The following VRK2 variants were observed in gnomAD, a reference collection of about 807,000 sequenced individuals.
The protein encoded by VRK2 is serine/threonine-protein kinase VRK2.
A neutral mutation model predicts 57.6 loss-of-function variants in VRK2; 60 were observed. The ratio of observed to expected loss-of-function variants is 1.04; its 90% confidence interval spans 0.85 to 1.29. VRK2 has a LOEUF of 1.29. Among genes scored for constraint, VRK2 ranks in the 50% most tolerant of loss-of-function variants. VRK2 has a pLI of 0.00. For synonymous variants in VRK2, 231 were observed against 199.2 expected (o/e 1.16, Z -1.35); for missense variants, 705 against 588.1 (o/e 1.20, Z -2.06).
chr2:58,103,586 G>A (rs1374637411), intron 7 of VRK2, among the ~76,000 whole-genome samples: 1 of 151,572 alleles, frequency 6.6e-6, no homozygotes, highest in East Asian at 1.9e-4. Flanking sequence ...AAAGTAGCGA[G>A]ATAGAATCGG....
At chr2:58,002,512 G>A (rs1216113014) in intron 1 of VRK2, among the ~76,000 whole-genome samples, 1 of 152,054 alleles carries the variant, frequency 6.6e-6, no homozygotes, top group Non-Finnish European at 1.5e-5. Flanking sequence ...GTGAAGATAG[G>A]TAGTGGAGAC....
At chr2:58,086,491 A>T in intron 5 of VRK2, 65 bp downstream of exon 5, 1 of 1,365,280 alleles carries the variant, frequency 7.3e-7, no homozygotes. Context: ...CTATGAGTTA[A>T]CTATTGCCAT....
chr2:58,123,376 C>G, intron 8 of VRK2, 143 bp downstream of exon 8: 1 of 941,380 alleles, frequency 1.1e-6, no homozygotes, highest in South Asian at 2.0e-5. Context: ...GTAATGAATT[C>G]CTGTTATGCC....
At chr2:58,071,204 T>C (rs1669315752) in intron 2 of VRK2, among the ~76,000 whole-genome samples, 1 of 152,170 alleles carries the variant, frequency 6.6e-6, no homozygotes, top group Non-Finnish European at 1.5e-5. Context: ...ATTTTTGATA[T>C]GTCTTGTCAG....
intron 7 of VRK2, among the ~76,000 whole-genome samples, chr2:58,116,572 C>G (rs992848489): frequency 6.6e-6 from 1 of 152,042 alleles, no homozygotes; most frequent in East Asian, 1.9e-4. Flanking sequence ...GAGTGGGTAG[C>G]CTTCGTATTG....
chr2:58,151,733 T>TC (rs1445948633), intron 12 of VRK2, among the ~76,000 whole-genome samples: 6 of 72,314 alleles, frequency 8.3e-5, no homozygotes, highest in African/African-American at 3.3e-4. Context: ...CTATGCTTGT[T>TC]TTTTTTTTTT....
At chr2:58,144,397 C>T (rs146173374) in intron 11 of VRK2, among the ~76,000 whole-genome samples, 1 of 152,060 alleles carries the variant, frequency 6.6e-6, no homozygotes, top group Non-Finnish European at 1.5e-5. Context: ...TAAGTATTCT[C>T]ACACAAAGAA....
At chr2:58,146,896 G>A (rs750777013) in intron 12 of VRK2, among the ~76,000 whole-genome samples, 10 of 151,832 alleles carry the variant, frequency 6.6e-5, no homozygotes, top group Non-Finnish European at 1.2e-4. Flanking sequence ...TCATTTGGGC[G>A]GAGAGTGACT....
chr2:58,085,066 T>G, intron 4 of VRK2, 116 bp downstream of exon 4: 1 of 888,030 alleles, frequency 1.1e-6, no homozygotes, highest in East Asian at 2.9e-5. Flanking sequence ...AATTTTATTG[T>G]AAAGTGATAC....
intron 8 of VRK2, among the ~76,000 whole-genome samples, chr2:58,131,249 T>G (rs1482898670): frequency 6.6e-6 from 1 of 151,108 alleles, no homozygotes; most frequent in Non-Finnish European, 1.5e-5. Flanking sequence ...TTCATGTGAT[T>G]GAAAAATCTT....
chr2:57,934,905 A>C (rs1306979746), intron 1 of VRK2, among the ~76,000 whole-genome samples: 1 of 151,868 alleles, frequency 6.6e-6, no homozygotes, highest in African/African-American at 2.4e-5. Flanking sequence ...TATCTCCAGA[A>C]TTTCTGTTTG....
chr2:58,110,728 G>A (rs1472764630), intron 7 of VRK2, among the ~76,000 whole-genome samples: 1 of 152,176 alleles, frequency 6.6e-6, no homozygotes, highest in Non-Finnish European at 1.5e-5. Context: ...GGCTTCCAGA[G>A]CGGGATGTTG....
At chr2:58,018,548 T>A (rs571570329) in intron 1 of VRK2, among the ~76,000 whole-genome samples, 179 of 152,352 alleles carry the variant, frequency 1.2e-3, no homozygotes, top group Admixed American at 1.8e-3. Flanking sequence ...GTTGTAATAT[T>A]GAATTATACC....
chr2:58,136,282 G>C (rs945273772), intron 10 of VRK2, among the ~76,000 whole-genome samples: 4 of 152,012 alleles, frequency 2.6e-5, no homozygotes, highest in African/African-American at 9.7e-5. Flanking sequence ...ACACAGGAGA[G>C]ATCCTCATTG....
intron 7 of VRK2, among the ~76,000 whole-genome samples, chr2:58,106,308 T>G (rs1674742049): frequency 6.6e-6 from 1 of 152,022 alleles, no homozygotes; most frequent in Admixed American, 6.6e-5. Flanking sequence ...TGAGGGAATT[T>G]TCCCCAGAAG....
intron 3 of VRK2, chr2:58,041,073 G>T (rs1047519065): frequency 2.9e-5 from 29 of 984,954 alleles, no homozygotes; most frequent in Non-Finnish European, 3.5e-5. Context: ...TGTTAACTGG[G>T]GGGGAAAAAG....
At chr2:58,120,174 TTTTTC>T (rs1558661089) in intron 7 of VRK2, among the ~76,000 whole-genome samples, 19 of 142,776 alleles carry the variant, frequency 1.3e-4, no homozygotes, top group African/African-American at 4.5e-4. Context: ...TGTCTATTTT[TTTTTC>T]TTTTCTTTTT....
At chr2:58,013,141 A>G (rs1176410286) in intron 1 of VRK2, among the ~76,000 whole-genome samples, 2 of 152,222 alleles carry the variant, frequency 1.3e-5, no homozygotes, top group African/African-American at 4.8e-5. Flanking sequence ...ACAAAAATCT[A>G]TTGAAGTTTC....
At chr2:57,933,803 GTTTC>G (rs1179495618) in intron 1 of VRK2, among the ~76,000 whole-genome samples, 2 of 151,844 alleles carry the variant, frequency 1.3e-5, no homozygotes, top group East Asian at 3.9e-4. Flanking sequence ...AAGATTCTTT[GTTTC>G]TTTCTTTTCC....
Sources: gnomAD v4.1 joint callset for allele counts (sites outside exome capture counted in the v4.1 genomes callset) on GRCh38, gnomAD v4.1.1 for gene constraint, MANE v1.5 for transcripts, NCBI Gene and HGNC (gene_info 2026-07-23, HGNC 2026-07-21) for gene names.